The following GAS2 variants were observed in gnomAD, a reference collection of about 807,000 sequenced individuals.
GAS2 encodes growth arrest-specific protein 2.
A neutral mutation model predicts 37.5 loss-of-function variants in GAS2; 20 were observed. The observed-to-expected ratio is 0.53, with a 90% CI of 0.37 to 0.77. The LOEUF (loss-of-function observed/expected upper bound fraction) is 0.77, where lower values mean the gene tolerates loss of function less well. Ranked by LOEUF, GAS2 falls within the 30% of genes least tolerant of loss-of-function variation. The pLI is 0.00. For synonymous variants in GAS2, 144 were observed against 132.2 expected (o/e 1.09, Z -0.61); for missense variants, 336 against 373.4 (o/e 0.90, Z 0.82).
intron 3 of GAS2, among the ~76,000 whole-genome samples, chr11:22,704,518 CT>C (rs1270356890): frequency 1.4e-5 from 2 of 144,484 alleles, no homozygotes; most frequent in African/African-American, 5.1e-5. Context: ...GAGAAAGCTA[CT>C]GTGGTATTTT....
chr11:22,676,159 AAAG>A (rs1046877540), intron 2 of GAS2, among the ~76,000 whole-genome samples: 7 of 152,138 alleles, frequency 4.6e-5, no homozygotes, highest in East Asian at 3.9e-4. Context: ...TAGGTCAGAA[AAAG>A]AAGAAGACAC....
intron 4 of GAS2, 135 bp downstream of exon 4, chr11:22,726,568 A>C: frequency 1.4e-6 from 1 of 727,742 alleles, no homozygotes; most frequent in South Asian, 1.7e-5. Context: ...AGTTTGTTGA[A>C]ATCTTGCAGG....
intron 3 of GAS2, among the ~76,000 whole-genome samples, chr11:22,690,822 C>T (rs560939169): frequency 1.1e-4 from 16 of 152,180 alleles, no homozygotes; most frequent in African/African-American, 3.6e-4. Context: ...TTTCCCGGTC[C>T]AAATAGTGTT....
intron 7 of GAS2, among the ~76,000 whole-genome samples, chr11:22,776,747 C>G (rs1442043411): frequency 1.3e-5 from 2 of 152,156 alleles, no homozygotes; most frequent in Non-Finnish European, 2.9e-5. Context: ...AAATATCTTT[C>G]TCAAAAGTTC....
chr11:22,749,092 T>C (rs200638620), intron 5 of GAS2, 28 bp from the exon 6 acceptor site: 1 of 1,589,194 alleles, frequency 6.3e-7, no homozygotes, highest in African/African-American at 1.4e-5. Context: ...AAGTTATGCA[T>C]ATGTAATGAT....
intron 3 of GAS2, among the ~76,000 whole-genome samples, chr11:22,710,159 T>C (rs1187509264): frequency 6.6e-6 from 1 of 151,954 alleles, no homozygotes; most frequent in Non-Finnish European, 1.5e-5. Context: ...ACTTAAAGTA[T>C]AATAATAATT....
intron 7 of GAS2, among the ~76,000 whole-genome samples, chr11:22,756,926 T>A (rs1007977484): frequency 6.6e-6 from 1 of 152,114 alleles, no homozygotes; most frequent in African/African-American, 2.4e-5. Flanking sequence ...AGCATACATA[T>A]TTTGTTAAGT....
intron 5 of GAS2, among the ~76,000 whole-genome samples, chr11:22,742,687 A>G (rs1397851809): frequency 1.3e-5 from 2 of 152,146 alleles, no homozygotes; most frequent in African/African-American, 4.8e-5. Flanking sequence ...ATCTCCAGAG[A>G]AAGGTTTTCC....
At chr11:22,789,757 G>A (rs907052889) in intron 7 of GAS2, among the ~76,000 whole-genome samples, 2 of 151,562 alleles carry the variant, frequency 1.3e-5, no homozygotes, top group Non-Finnish European at 2.9e-5. Flanking sequence ...GAGCCACCGC[G>A]CCCGGCCATG....
At chr11:22,740,903 G>T (rs567320502) in intron 5 of GAS2, among the ~76,000 whole-genome samples, 1 of 152,288 alleles carries the variant, frequency 6.6e-6, no homozygotes, top group African/African-American at 2.4e-5. Context: ...ACAGTAATTT[G>T]CACACAGAGC....
chr11:22,789,422 T>TATA (rs1564889813), intron 7 of GAS2, among the ~76,000 whole-genome samples: 11 of 42,848 alleles, frequency 2.6e-4, no homozygotes, highest in African/African-American at 1.3e-3. Context: ...GTATCTCATA[T>TATA]GAGATATATA....
intron 1 of GAS2, among the ~76,000 whole-genome samples, chr11:22,627,919 G>T (rs1222080657): frequency 6.6e-6 from 1 of 152,086 alleles, no homozygotes; most frequent in Non-Finnish European, 1.5e-5. Context: ...GAAAGAACCA[G>T]GCCTATTTAA....
intron 1 of GAS2, among the ~76,000 whole-genome samples, chr11:22,655,143 C>G (rs1205900087): frequency 6.6e-6 from 1 of 152,134 alleles, no homozygotes; most frequent in Non-Finnish European, 1.5e-5. Flanking sequence ...GAAGACTGTA[C>G]ATTTTCAGGC....
intron 4 of GAS2, among the ~76,000 whole-genome samples, chr11:22,728,060 A>G (rs1269449250): frequency 6.6e-6 from 1 of 152,044 alleles, no homozygotes; most frequent in Non-Finnish European, 1.5e-5. Context: ...GAACAATCAC[A>G]TGGGGAAACT....
chr11:22,767,755 A>G (rs1347418423), intron 7 of GAS2, among the ~76,000 whole-genome samples: 2 of 152,192 alleles, frequency 1.3e-5, no homozygotes, highest in African/African-American at 2.4e-5. Context: ...AAGTGTGGCC[A>G]TTTTGAGTTT....
intron 7 of GAS2, among the ~76,000 whole-genome samples, chr11:22,797,494 C>G (rs958419632): frequency 6.6e-6 from 1 of 151,982 alleles, no homozygotes; most frequent in African/African-American, 2.4e-5. Flanking sequence ...TAGTAGTTCA[C>G]CCTTCAAATA....
At chr11:22,767,966 A>G (rs999710072) in intron 7 of GAS2, among the ~76,000 whole-genome samples, 3 of 152,190 alleles carry the variant, frequency 2.0e-5, no homozygotes, top group African/African-American at 7.2e-5. Flanking sequence ...AAAACGCATA[A>G]TCTTGGTCCT....
chr11:22,785,622 G>A (rs1331270300), intron 7 of GAS2, among the ~76,000 whole-genome samples: 2 of 152,048 alleles, frequency 1.3e-5, no homozygotes, highest in African/African-American at 4.8e-5. Flanking sequence ...GTTTTGTGGG[G>A]GACTCTTTGC....
chr11:22,632,756 C>CT (rs146753942), intron 1 of GAS2, among the ~76,000 whole-genome samples: 1,652 of 146,304 alleles, frequency 0.011, 30 homozygotes, highest in African/African-American at 0.037. Context: ...TCTTTTCATT[C>CT]TTTTTTTTTT....
Sources: gnomAD v4.1 joint callset for allele counts (sites outside exome capture counted in the v4.1 genomes callset) on GRCh38, gnomAD v4.1.1 for gene constraint, MANE v1.5 for transcripts, NCBI Gene and HGNC (gene_info 2026-07-23, HGNC 2026-07-21) for gene names.